Variants in PDE1C observed in about 807,000 individuals in gnomAD.
PDE1C encodes the protein dual specificity calcium/calmodulin-dependent 3',5'-cyclic nucleotide phosphodiesterase 1C.
PDE1C carries 62 observed loss-of-function variants against 93.1 expected under a neutral mutation model. The observed-to-expected ratio is 0.67, with a 90% CI of 0.54 to 0.82. The LOEUF (loss-of-function observed/expected upper bound fraction) is 0.82, where lower values mean the gene tolerates loss of function less well. Ranked by LOEUF, PDE1C falls within the 40% of genes least tolerant of loss-of-function variation. The pLI, the probability that PDE1C is intolerant of heterozygous loss-of-function variation, is 0.00. For missense variants in PDE1C, 742 were observed against 884.6 expected (o/e 0.84, Z 2.04); for synonymous variants, 325 against 310.1 (o/e 1.05, Z -0.50).
chr7:32,003,948 T>G (rs994323189), intron 2 of PDE1C, among the ~76,000 whole-genome samples: 1 of 152,176 alleles, frequency 6.6e-6, no homozygotes, highest in Non-Finnish European at 1.5e-5. Flanking sequence ...AGGAAGACCT[T>G]TCTAACAAGG....
At chr7:32,233,482 A>G (rs1469149710) in intron 1 of PDE1C, among the ~76,000 whole-genome samples, 1 of 152,118 alleles carries the variant, frequency 6.6e-6, no homozygotes, top group Non-Finnish European at 1.5e-5. Flanking sequence ...AAGTAAATGG[A>G]TAAGAAAAAT....
At position 31,837,248 on chromosome 7, in the gene PDE1C, GGCTAATATCT is replaced by G; in HGVS notation, c.1125_1134del (p.Asp376IlefsTer50). On this transcript the variant is annotated frameshift_variant, in exon 11 of 18. Coordinates refer to ENST00000396191, the MANE Select transcript of PDE1C (RefSeq NM_001191057.4). LOFTEE classifies it high-confidence loss of function. ...TGGAGGTCCCATGCTTTTGCTGGAT[GGCTAATATCT>G]GCTGTATGCAGCATAAGGGATAAGG... 6.2e-7 allele frequency: 1 copy of G among 1,613,738 alleles called. No individual in the cohort carries two copies. Among genetic ancestry groups the G allele is most frequent in the Non-Finnish European group, 8.5e-7 (1 of 1,179,752 alleles).
At chr7:32,197,108 A>G (rs148871377) in intron 2 of PDE1C, among the ~76,000 whole-genome samples, 40 of 152,314 alleles carry the variant, frequency 2.6e-4, no homozygotes, top group Admixed American at 1.2e-3. Context: ...GCTTCCTTCA[A>G]CTAGAAATTC....
the PDE1C span, chr7:31,692,564 A>T: frequency 1.9e-6 from 3 of 1,539,254 alleles, no homozygotes. Context: ...GGTGGAAGTC[A>T]GAGAAGAGGC....
chr7:32,021,510 T>C (rs1236533144), intron 2 of PDE1C, among the ~76,000 whole-genome samples: 2 of 152,114 alleles, frequency 1.3e-5, no homozygotes, highest in African/African-American at 4.8e-5. Flanking sequence ...TCCTCAGTCA[T>C]AGAACAATTT....
chr7:31,813,355 T>C (rs1250686711), intron 15 of PDE1C, among the ~76,000 whole-genome samples: 1 of 152,046 alleles, frequency 6.6e-6, no homozygotes, highest in Non-Finnish European at 1.5e-5. Flanking sequence ...CCTGCCAGGG[T>C]GCTGGGGTGG....
chr7:31,712,272 CAGTG>C, the PDE1C span, among the ~76,000 whole-genome samples: 3 of 133,376 alleles, frequency 2.2e-5, no homozygotes, highest in Non-Finnish European at 4.7e-5. Context: ...AAAAAATCTA[CAGTG>C]AGTGAGTGAG....
intron 1 of PDE1C, among the ~76,000 whole-genome samples, chr7:32,413,888 GAA>G (rs1785221651): frequency 6.6e-6 from 1 of 152,112 alleles, no homozygotes; most frequent in South Asian, 2.1e-4. Context: ...ATAATAGAGA[GAA>G]TTGTAATCAG....
intron 14 of PDE1C, among the ~76,000 whole-genome samples, chr7:31,817,470 G>A (rs1788413132): frequency 6.6e-6 from 1 of 152,134 alleles, no homozygotes; most frequent in Admixed American, 6.6e-5. Context: ...AGGCAATGAG[G>A]TGGCATTGCA....
chr7:31,683,119 A>G, the PDE1C span, among the ~76,000 whole-genome samples: 496 of 152,316 alleles, frequency 3.3e-3, 9 homozygotes, highest in Admixed American at 0.028. Flanking sequence ...AGAACTCAAT[A>G]CACACAGACA....
intron 1 of PDE1C, among the ~76,000 whole-genome samples, chr7:32,396,726 TG>T (rs550101397): frequency 1.5e-3 from 224 of 152,256 alleles, no homozygotes; most frequent in African/African-American, 4.6e-3. Context: ...TATAGTAAAA[TG>T]TTTTTTTTAA....
At chr7:31,810,891 T>C (rs959951698) in intron 15 of PDE1C, among the ~76,000 whole-genome samples, 2 of 152,132 alleles carry the variant, frequency 1.3e-5, no homozygotes, top group African/African-American at 2.4e-5. Context: ...TTCAGGACTA[T>C]TGGGGGCTGT....
chr7:32,073,926 C>A (rs1244957691), upstream of PDE1C, among the ~76,000 whole-genome samples: 3 of 152,164 alleles, frequency 2.0e-5, no homozygotes, highest in Non-Finnish European at 4.4e-5. Context: ...TCTTCCTAAC[C>A]CAGATTTTTC....
At chr7:31,621,858 A>C in the PDE1C span, among the ~76,000 whole-genome samples, 1 of 151,868 alleles carries the variant, frequency 6.6e-6, no homozygotes, top group African/African-American at 2.4e-5. Flanking sequence ...TATTCAGGAA[A>C]CCCATCTCAC....
intron 1 of PDE1C, among the ~76,000 whole-genome samples, chr7:32,061,793 T>C (rs1341397329): frequency 6.6e-6 from 1 of 152,252 alleles, no homozygotes; most frequent in Non-Finnish European, 1.5e-5. Flanking sequence ...TTAGCTGGCC[T>C]AAGTAAATGC....
chr7:31,936,949 C>T (rs766427934), intron 2 of PDE1C, among the ~76,000 whole-genome samples: 1 of 152,130 alleles, frequency 6.6e-6, no homozygotes, highest in Admixed American at 6.6e-5. Flanking sequence ...TAAAGACATA[C>T]GTCAACACAC....
chr7:31,899,637 G>A (rs1799733687), intron 2 of PDE1C, among the ~76,000 whole-genome samples: 1 of 152,116 alleles, frequency 6.6e-6, no homozygotes, highest in South Asian at 2.1e-4. Context: ...GAGACAGGGT[G>A]GAAAAAAGGA....
At chr7:32,407,572 C>T (rs1404193427) in intron 1 of PDE1C, among the ~76,000 whole-genome samples, 2 of 152,102 alleles carry the variant, frequency 1.3e-5, no homozygotes, top group Non-Finnish European at 2.9e-5. Context: ...TGCAAGCTCA[C>T]AGAGAGAGGG....
chr7:32,030,389 TCA>T (rs1290041116), intron 2 of PDE1C, among the ~76,000 whole-genome samples: 3 of 152,148 alleles, frequency 2.0e-5, no homozygotes, highest in African/African-American at 7.2e-5. Flanking sequence ...GGAGTTTCTC[TCA>T]CCATGTCTAT....
Sources: allele counts gnomAD v4.1 joint callset (sites outside exome capture counted in the v4.1 genomes callset), GRCh38; gene constraint gnomAD v4.1.1; transcripts MANE v1.5; gene names NCBI Gene and HGNC (gene_info 2026-07-23, HGNC 2026-07-21).